The following SLC4A5 variants were observed in gnomAD, a reference collection of about 807,000 sequenced individuals.
The protein encoded by SLC4A5 is electrogenic sodium bicarbonate cotransporter 4.
In SLC4A5, 96 loss-of-function variants were observed where a neutral mutation model predicts 120.4. That is an observed-to-expected ratio of 0.80 (90% CI 0.68 to 0.94). SLC4A5 has a LOEUF of 0.94. Ranked by LOEUF, SLC4A5 falls within the 40% of genes least tolerant of loss-of-function variation. The pLI, the probability that SLC4A5 is intolerant of heterozygous loss-of-function variation, is 0.00. For missense variants in SLC4A5, 1,259 were observed against 1,459.5 expected (o/e 0.86, Z 2.24); for synonymous variants, 550 against 571.1 (o/e 0.96, Z 0.53).
At chr2:74,284,137 T>C (rs187053200) in intron 8 of SLC4A5, among the ~76,000 whole-genome samples, 129 of 151,956 alleles carry the variant, frequency 8.5e-4, no homozygotes, top group Admixed American at 1.8e-3. Flanking sequence ...CATGAGCCAC[T>C]GTGCCTAGCC....
At chr2:74,267,544 C>T (rs958788433) in intron 8 of SLC4A5, among the ~76,000 whole-genome samples, 10 of 152,226 alleles carry the variant, frequency 6.6e-5, no homozygotes, top group African/African-American at 2.4e-4. Context: ...GAAAAACACA[C>T]TTGTGTGTGT....
rs77669480 is a variant in SLC4A5 at position 74,311,985 on chromosome 2, T to C, written c.79+2960A>G. ...TGCCTCATGTATTTTGATGCTCTGC[T>C]GTTAGGTACATACATGTTAAGGACT... On this transcript the variant is annotated intron_variant, in intron 6 of 30. Transcript: ENST00000394019. Among the ~76,000 whole-genome samples the C allele has an allele frequency of 2.0e-5, 3 of 152,242 alleles. No homozygotes were observed. In the East Asian group the frequency reaches 5.8e-4, roughly 29 times the overall value.
At chr2:74,227,911 T>C (rs1401114741) in intron 25 of SLC4A5, 33 bp from the exon 26 acceptor site, 1 of 1,551,378 alleles carries the variant, frequency 6.4e-7, no homozygotes, top group African/African-American at 1.4e-5. Context: ...GATCGGCCTC[T>C]GCCTGGGGCG....
intron 27 of SLC4A5, among the ~76,000 whole-genome samples, chr2:74,225,966 C>T (rs1694828339): frequency 6.6e-6 from 1 of 152,092 alleles, no homozygotes; most frequent in African/African-American, 2.4e-5. Flanking sequence ...TGGAACAGTA[C>T]TCAGTAAATG....
intron 8 of SLC4A5, among the ~76,000 whole-genome samples, chr2:74,277,161 G>A (rs1671670050): frequency 6.6e-6 from 1 of 152,142 alleles, no homozygotes. Context: ...CTCTCCCCTT[G>A]GGCATCGCAA....
intron 7 of SLC4A5, among the ~76,000 whole-genome samples, chr2:74,292,477 C>T (rs1169638631): frequency 2.0e-5 from 3 of 152,196 alleles, no homozygotes; most frequent in Admixed American, 1.3e-4. Flanking sequence ...GTGTGCAGCA[C>T]GTCAGAAGTT....
chr2:74,302,022 T>A (rs1672487202), intron 7 of SLC4A5, among the ~76,000 whole-genome samples: 1 of 152,220 alleles, frequency 6.6e-6, no homozygotes, highest in Non-Finnish European at 1.5e-5. Flanking sequence ...AATTGGAAGA[T>A]ATTTTTATGG....
In SLC4A5 at chr2:74,259,584, C is replaced by T. The variant is rs1201088965; in HGVS notation, c.867+4G>A. ...ATTGCAGCTAAGTGCAGGGGTTTTA[C>T]TACCTGGTCTGTGTTTGGGGTGAGA... On this transcript the variant is annotated splice_donor_region_variant and intron_variant, in intron 12 of 30. Coordinates refer to ENST00000394019, the Ensembl canonical transcript of SLC4A5. 6.2e-7 allele frequency: 1 copy of T among 1,614,068 alleles called. No individual in the cohort carries two copies. The highest frequency in any genetic ancestry group is 8.5e-7 in the Non-Finnish European group (1 of 1,180,012).
At chr2:74,285,816 G>A (rs1244298177) in exon 8 of SLC4A5, 2 of 1,612,598 alleles carry the variant, frequency 1.2e-6, no homozygotes, top group East Asian at 2.2e-5. Context: ...TCATGCTGCA[G>A]AGTATCCATC....
chr2:74,252,524 A>C (rs1203493244), intron 15 of SLC4A5, 136 bp from the exon 16 acceptor site: 9 of 981,942 alleles, frequency 9.2e-6, no homozygotes, highest in Non-Finnish European at 1.3e-5. Context: ...CAGGTCACCT[A>C]GATTTTACAA....
chr2:74,254,757 G>C, intron 13 of SLC4A5, 51 bp from the exon 14 acceptor site: 1 of 1,318,586 alleles, frequency 7.6e-7, no homozygotes, highest in South Asian at 1.2e-5. Context: ...AGAGGAGCAT[G>C]AAAGTGAGAA....
chr2:74,323,330 C>T (rs1451113557), intron 5 of SLC4A5, among the ~76,000 whole-genome samples: 1 of 152,170 alleles, frequency 6.6e-6, no homozygotes, highest in Non-Finnish European at 1.5e-5. Context: ...AGCCAAACTA[C>T]CAGTCCAGAG....
intron 18 of SLC4A5, 58 bp from the exon 19 acceptor site, chr2:74,247,365 C>T (rs1016162247): frequency 1.3e-6 from 2 of 1,546,010 alleles, no homozygotes; most frequent in Non-Finnish European, 1.7e-6. Context: ...CTGTGCTTGA[C>T]TCCTCAGACT....
At chr2:74,293,394 T>G (rs1672233933) in intron 7 of SLC4A5, among the ~76,000 whole-genome samples, 1 of 152,144 alleles carries the variant, frequency 6.6e-6, no homozygotes, top group South Asian at 2.1e-4. Context: ...CAGCTGTATT[T>G]GTGTGACATG....
chr2:74,341,439 G>A (rs1011927834), intron 2 of SLC4A5, among the ~76,000 whole-genome samples: 1 of 152,040 alleles, frequency 6.6e-6, no homozygotes, highest in Non-Finnish European at 1.5e-5. Context: ...TAATTAACAC[G>A]CATCTGTTAA....
At chr2:74,275,338 A>T (rs1360495075) in intron 8 of SLC4A5, among the ~76,000 whole-genome samples, 1 of 152,248 alleles carries the variant, frequency 6.6e-6, no homozygotes, top group Non-Finnish European at 1.5e-5. Context: ...GTCATCAGAC[A>T]AAGTTACTGA....
intron 7 of SLC4A5, among the ~76,000 whole-genome samples, chr2:74,296,968 C>T (rs1672349873): frequency 6.6e-6 from 1 of 152,096 alleles, no homozygotes; most frequent in African/African-American, 2.4e-5. Flanking sequence ...GGTCCTAAGG[C>T]TTTGGAACCT....
intron 5 of SLC4A5, among the ~76,000 whole-genome samples, chr2:74,316,547 A>T (rs533913630): frequency 6.6e-6 from 1 of 152,182 alleles, no homozygotes; most frequent in Non-Finnish European, 1.5e-5. Flanking sequence ...ATTGAGAATA[A>T]GACTGACAGA....
At chr2:74,219,221 T>G (rs13414575) in intron 30 of SLC4A5, among the ~76,000 whole-genome samples, 1,202 of 90,146 alleles carry the variant, frequency 0.013, 10 homozygotes, top group African/African-American at 0.018. Context: ...GTGTGTGTGT[T>G]TGTGTGTGTT....
Sources: gnomAD v4.1 joint callset for allele counts (sites outside exome capture counted in the v4.1 genomes callset) on GRCh38, gnomAD v4.1.1 for gene constraint, MANE v1.5 for transcripts, NCBI Gene and HGNC (gene_info 2026-07-23, HGNC 2026-07-21) for gene names.